The following RIOK2 variants were observed in gnomAD, a reference collection of about 807,000 sequenced individuals.
The protein encoded by RIOK2 is serine/threonine-protein kinase RIO2.
Under a neutral mutation model 62.4 loss-of-function variants are expected in RIOK2, and 46 were observed. The observed-to-expected ratio is 0.74, with a 90% CI of 0.58 to 0.94. The LOEUF is 0.94. Among genes scored for constraint, RIOK2 ranks in the 40% least tolerant of loss-of-function variants. The pLI, the probability that RIOK2 is intolerant of heterozygous loss-of-function variation, is 0.00. For synonymous variants in RIOK2, 197 were observed against 216.0 expected (o/e 0.91, Z 0.77); for missense variants, 574 against 658.0 (o/e 0.87, Z 1.40).
intron 6 of RIOK2, among the ~76,000 whole-genome samples, chr5:97,170,320 C>A (rs1471122159): frequency 6.6e-6 from 1 of 152,112 alleles, no homozygotes. Flanking sequence ...ATGATTATCG[C>A]AGTATATCAT....
chr5:97,168,855 G>C lies in RIOK2; in HGVS notation c.780-3C>G. 6.5e-7 allele frequency: 1 copy of C among 1,545,602 alleles called. No homozygotes were observed. Among genetic ancestry groups the C allele is most frequent in the Admixed American group, 1.9e-5 (1 of 51,530 alleles). On this transcript the variant is annotated splice_polypyrimidine_tract_variant and splice_region_variant and intron_variant, in intron 6 of 9. Transcript: ENST00000283109. ...ATTTAACATCTCTGTCAAAATACCT[G>C]CAAAAGCAAGAATCATTTATGATAT...
rs1257468584 is a variant in RIOK2 at position 97,163,128 on chromosome 5, T to C, written c.1592A>G (p.Lys531Arg). The C allele has an allele frequency of 6.2e-7, 1 of 1,613,650 alleles. No individual in the cohort carries two copies. Among genetic ancestry groups the C allele is most frequent in the African/African-American group, 1.3e-5 (1 of 75,044 alleles). ...ATTTTGCATGTTTTCCCTACGTTGC[T>C]TGGTAAATATATTTGCTTCTCCTTT... ...LQKGEANIFT[K>R]QRRENMQNIK... The change falls in exon 10 of 10, where the codon AAG (lysine) becomes AGG (arginine). Residue 531 changes from lysine (K) to arginine (R), a missense_variant. Physicochemically the swap from Lys to Arg is conservative, Grantham distance 26 (BLOSUM62 2). Transcript: ENST00000283109.
intron 4 of RIOK2, 60 bp from the exon 5 acceptor site, chr5:97,173,323 T>C: frequency 9.7e-7 from 1 of 1,026,464 alleles, no homozygotes; most frequent in Non-Finnish European, 1.5e-6. Flanking sequence ...TAAAGAACAA[T>C]AAAAGTAAAT....
At chr5:97,173,063 A>T (rs1204469375) in intron 5 of RIOK2, 112 bp downstream of exon 5, 1 of 673,132 alleles carries the variant, frequency 1.5e-6, no homozygotes, top group Non-Finnish European at 2.5e-6. Context: ...CTTTAAATAA[A>T]TTTTAACCTC....
At chr5:97,179,992 A>ATATAT (rs1749303998) in intron 1 of RIOK2, among the ~76,000 whole-genome samples, 2 of 32,566 alleles carry the variant, frequency 6.1e-5, no homozygotes, top group African/African-American at 2.5e-4. Flanking sequence ...ATATATATAA[A>ATATAT]ATATATATAT....
intron 9 of RIOK2, among the ~76,000 whole-genome samples, chr5:97,163,918 G>A (rs540646277): frequency 1.3e-5 from 2 of 151,808 alleles, no homozygotes; most frequent in East Asian, 3.9e-4. Flanking sequence ...TTTGAGACAG[G>A]GTCTTGCTGT....
chr5:97,166,762 C>T (rs1580266211), intron 8 of RIOK2: 2 of 985,984 alleles, frequency 2.0e-6, no homozygotes, highest in Non-Finnish European at 2.4e-6. Context: ...ATAGAAAGTA[C>T]ATTTATTGCA....
chr5:97,172,864 A>T (rs1477901430), intron 5 of RIOK2, among the ~76,000 whole-genome samples: 1 of 152,100 alleles, frequency 6.6e-6, no homozygotes. Context: ...TTAGTTATTT[A>T]TTGCACATCT....
intron 8 of RIOK2, chr5:97,166,500 TTTAA>T (rs1402217289): frequency 2.0e-5 from 4 of 203,092 alleles, no homozygotes; most frequent in East Asian, 1.3e-4. Flanking sequence ...CTGAACTAAT[TTTAA>T]TTGTCATATT....
In RIOK2 at chr5:97,161,749, TG is replaced by T. The variant is rs368544945; in HGVS notation, c.*1311del. On this transcript the variant is annotated 3_prime_UTR_variant, in exon 10 of 10. Coordinates refer to ENST00000283109, the MANE Select transcript of RIOK2 (RefSeq NM_018343.3). Reference sequence around the variant, plus strand: ...TATTCCCAATTTGCTTTCATAGCTCTGAATATAAGAAAATGACTCCAAAATA... The same window carrying T: ...TATTCCCAATTTGCTTTCATAGCTCTAATATAAGAAAATGACTCCAAAATA... The T allele has an allele frequency of 1.2e-4, 19 of 152,344 alleles. No homozygotes were observed. Among genetic ancestry groups the T allele is most frequent in the African/African-American group, 4.1e-4 (17 of 41,582 alleles). 9.4% of individuals were successfully genotyped at this position (152,344 alleles called of 1,614,324 possible). A position where few individuals can be genotyped will look rare whatever the true frequency, so the allele number is the denominator to read the frequency against.
At position 97,179,043 on chromosome 5, in the gene RIOK2, CA is replaced by C; in HGVS notation, c.205+11del. 3 of 1,613,652 alleles carry C rather than the reference CA, an allele frequency of 1.9e-6. No homozygotes were observed. Among genetic ancestry groups the C allele is most frequent in the Non-Finnish European group, 2.5e-6 (3 of 1,179,834 alleles). On this transcript the variant is annotated intron_variant, in intron 2 of 9. Transcript: ENST00000283109. ...ACCTGAAAAATCACAAATGGTGCCT[CA>C]AAATACTTACTTTTGGTACGCTCCC...
At chr5:97,180,027 A>AATATATATATTATATATATATTATAT (rs1554083553) in intron 1 of RIOK2, among the ~76,000 whole-genome samples, 1 of 63,458 alleles carries the variant, frequency 1.6e-5, no homozygotes, top group African/African-American at 5.9e-5. Flanking sequence ...ATATATATAT[A>AATATATATATTATATATATATTATAT]ATATATATAT....
intron 6 of RIOK2, among the ~76,000 whole-genome samples, chr5:97,169,769 A>C (rs1045854281): frequency 6.6e-6 from 1 of 152,226 alleles, no homozygotes. Context: ...CCTTGGCCCC[A>C]GAACTGGTTC....
In RIOK2 at chr5:97,161,841, A is replaced by G. The variant is rs1197959665; in HGVS notation, c.*1220T>C. The G allele has an allele frequency of 6.6e-6, 1 of 152,232 alleles. No individual in the cohort carries two copies. The highest frequency in any genetic ancestry group is 2.4e-5 in the African/African-American group (1 of 41,464). 9.4% of individuals were successfully genotyped at this position (152,232 alleles called of 1,614,324 possible). ...TATAAAAATGCTTAAAAGTTGAGAGATTATACAAAATGAATACCTGAATTC... is the reference window on the plus strand; with the variant it reads ...TATAAAAATGCTTAAAAGTTGAGAGGTTATACAAAATGAATACCTGAATTC... On this transcript the variant is annotated 3_prime_UTR_variant, in exon 10 of 10. Coordinates refer to ENST00000283109, the MANE Select transcript of RIOK2 (RefSeq NM_018343.3).
At chr5:97,165,304 A>G (rs1342750034) in intron 8 of RIOK2, among the ~76,000 whole-genome samples, 157 bp from the exon 9 acceptor site, 1 of 152,238 alleles carries the variant, frequency 6.6e-6, no homozygotes, top group Non-Finnish European at 1.5e-5. Context: ...AGATAAAACT[A>G]CCTACTGTTA....
rs1749461439 is a variant in RIOK2, at chr5:97,182,870, CAGCGCAAAGCGA to C, written c.66+244_66+255del. 7.1e-6 allele frequency: 3 copies of C among 423,016 alleles called. No individual in the cohort carries two copies. The East Asian group carries it at 1.6e-4, about 22-fold the overall frequency. The allele number at this position is 423,016 out of a possible 1,614,324, so 26.2% of individuals were successfully genotyped here. ...CCACAGAGATGCAAGCGTTTCTCTT[CAGCGCAAAGCGA>C]ATAGCAGCAGAAAAGAAAACAATTA... On this transcript the variant is annotated intron_variant, in intron 1 of 9. Coordinates refer to ENST00000283109, the MANE Select transcript of RIOK2 (RefSeq NM_018343.3).
At chr5:97,175,296 G>A (rs539995763) in intron 4 of RIOK2, among the ~76,000 whole-genome samples, 81 of 152,094 alleles carry the variant, frequency 5.3e-4, no homozygotes, top group African/African-American at 1.9e-3. Flanking sequence ...TTTTTTCAGT[G>A]TAGACCATTT....
At chr5:97,173,310 C>A in intron 4 of RIOK2, 47 bp from the exon 5 acceptor site, 1 of 1,155,206 alleles carries the variant, frequency 8.7e-7, no homozygotes, top group Non-Finnish European at 1.3e-6. Flanking sequence ...GGTCATTACT[C>A]TTTAAAGAAC....
At chr5:97,164,108 C>A (rs1437554309) in intron 9 of RIOK2, among the ~76,000 whole-genome samples, 1 of 152,026 alleles carries the variant, frequency 6.6e-6, no homozygotes, top group African/African-American at 2.4e-5. Context: ...CCCAGGCTGG[C>A]CTGAAACTCT....
Sources: gnomAD v4.1 joint callset for allele counts (sites outside exome capture counted in the v4.1 genomes callset) on GRCh38, gnomAD v4.1.1 for gene constraint, MANE v1.5 for transcripts, NCBI Gene and HGNC (gene_info 2026-07-23, HGNC 2026-07-21) for gene names.